CD70: variants seen among roughly 807,000 people sequenced by gnomAD.
CD70 encodes CD70 molecule, also known as CD70 antigen.
In CD70, 6 loss-of-function variants were observed where a neutral mutation model predicts 9.0. The ratio of observed to expected loss-of-function variants is 0.67; its 90% CI spans 0.37 to 1.32. The LOEUF is 1.32. Ranked by LOEUF, CD70 falls within the 40% of genes most tolerant of loss-of-function variation. CD70 has a pLI of 0.02. For missense variants in CD70, 235 were observed against 258.7 expected (o/e 0.91, Z 0.63); for synonymous variants, 108 against 112.3 (o/e 0.96, Z 0.24).
Position 6,590,934 on chromosome 19 carries a change from C to G in CD70, c.69G>C (p.Leu23Phe). Residue 23 changes from leucine (L) to phenylalanine (F), a missense_variant, in exon 1 of 3, where the codon TTG (leucine) becomes TTC (phenylalanine). Coordinates refer to ENST00000245903, the MANE Select transcript of CD70 (RefSeq NM_001252.5). The surrounding 1 kb of genome is among the most constrained non-coding windows in gnomAD (Gnocchi z 5.3). ...TCACCAAGCCCGCGACCAATGGGAC[C>G]AAAGCAGCCCGCAGGACGCACCCAT... ...RPYGCVLRAA[L>F]VPLVAGLVIC... is the part of the protein sequence containing the mutation. 6.2e-7 allele frequency: 1 copy of G among 1,614,090 alleles called. No individual in the cohort carries two copies. Among genetic ancestry groups the G allele is most frequent in the East Asian group, 2.2e-5 (1 of 44,864 alleles).
At chr19:6,586,602 C>A (rs145719893) in intron 2 of CD70, among the ~76,000 whole-genome samples, 197 bp from the exon 3 acceptor site, 223 of 152,208 alleles carry the variant, frequency 1.5e-3, no homozygotes, top group African/African-American at 5.3e-3. Flanking sequence ...AGTTCAAGAC[C>A]AGCCTGGACA....
At chr19:6,585,795 C>G, downstream of CD70, 1 of 464,574 alleles carries the variant, frequency 2.2e-6, no homozygotes. Context: ...CTGCCTCAGT[C>G]GGCCGAGTAG....
At chr19:6,583,241 T>G (rs1915952731), downstream of CD70, 14 of 591,862 alleles carry the variant, frequency 2.4e-5, no homozygotes, top group South Asian at 3.0e-4. Flanking sequence ...ACTATTTTCC[T>G]CAACTGTTAA....
At chr19:6,588,009 C>T (rs1056784644) in intron 2 of CD70, among the ~76,000 whole-genome samples, 14 of 152,192 alleles carry the variant, frequency 9.2e-5, no homozygotes, top group African/African-American at 3.4e-4. Flanking sequence ...CCAAGGTCCT[C>T]GGCTATATTT....
Position 6,587,509 on chromosome 19 carries a change from CGAGA to C in CD70, c.197-1108_197-1105del, listed in dbSNP as rs1324724747. Among the ~76,000 whole-genome samples, 9 of 151,194 alleles carry C rather than the reference CGAGA, an allele frequency of 6.0e-5. No homozygotes were observed. In the East Asian group the frequency reaches 1.8e-3, roughly 30 times the overall value. ...GCCTGAGAGAGTGAGACAGACAGCA[CGAGA>C]GAGACAGCGTGCGCACGAGACAGCG... On this transcript the variant is annotated intron_variant, in intron 2 of 2. Transcript: ENST00000245903.
downstream of CD70, among the ~76,000 whole-genome samples, chr19:6,581,676 G>T (rs920952585): frequency 1.1e-4 from 17 of 152,084 alleles, no homozygotes; most frequent in Admixed American, 5.2e-4. Flanking sequence ...TTATATTCCT[G>T]TGAACAGTTT....
At position 6,586,088 on chromosome 19, in the gene CD70, T is replaced by G. The variant is rs1342835465; in HGVS notation, c.514A>C (p.Thr172Pro). 1 of 1,614,004 alleles carries G rather than the reference T, an allele frequency of 6.2e-7. No homozygotes were observed. The highest frequency in any genetic ancestry group is 8.5e-7 in the Non-Finnish European group (1 of 1,179,910). ...ARGDTLCTNLTGTLLPSRNTD... is the reference protein window; with the variant it reads ...ARGDTLCTNLPGTLLPSRNTD... ...TTTCGGGAAGGCAAAAGTGTCCCAG[T>G]GAGGTTGGTGCAGAGTGTGTCCCCT... Residue 172 changes from threonine to proline, a missense_variant, in exon 3 of 3, where the codon ACT (threonine) becomes CCT (proline). By Grantham distance (38) the Thr-to-Pro change is conservative. Coordinates refer to ENST00000245903, the MANE Select transcript of CD70 (RefSeq NM_001252.5).
At chr19:6,586,922 A>C (rs925614708) in intron 2 of CD70, among the ~76,000 whole-genome samples, 58 of 140,434 alleles carry the variant, frequency 4.1e-4, no homozygotes, top group Admixed American at 6.4e-4. Flanking sequence ...AAAAAAAAAA[A>C]CAGAAACAGA....
chr19:6,585,937 G>C lies in CD70; in HGVS notation c.*83C>G. ...CCCACCACACTCCCACCCCAACCCCGGGTGGCCCCTGTGTGTACACTTTTT... is the reference window on the plus strand; with the variant it reads ...CCCACCACACTCCCACCCCAACCCCCGGTGGCCCCTGTGTGTACACTTTTT... On this transcript the variant is annotated 3_prime_UTR_variant, in exon 3 of 3. Transcript: ENST00000245903. 9.5e-7 allele frequency: 1 copy of C among 1,049,760 alleles called. No individual in the cohort carries two copies. Among genetic ancestry groups the C allele is most frequent in the Non-Finnish European group, 1.4e-6 (1 of 735,012 alleles). The allele number at this position is 1,049,760 out of a possible 1,614,324, so 65.0% of individuals were successfully genotyped here.
At chr19:6,587,577 T>A (rs1916056298) in intron 2 of CD70, among the ~76,000 whole-genome samples, 1 of 151,894 alleles carries the variant, frequency 6.6e-6, no homozygotes, top group East Asian at 1.9e-4. Context: ...AAGGGACGCC[T>A]GCTCGGGTCA....
chr19:6,584,962 A>T (rs1295663775), downstream of CD70, among the ~76,000 whole-genome samples: 4 of 151,892 alleles, frequency 2.6e-5, no homozygotes, highest in African/African-American at 9.7e-5. Context: ...TCTGGGGTAC[A>T]TGTGCAGGAT....
rs1011465040 is a variant in CD70 at position 6,590,310 on chromosome 19, A to T, written c.163-174T>A. On this transcript the variant is annotated intron_variant, in intron 1 of 2. Coordinates refer to ENST00000245903, the MANE Select transcript of CD70 (RefSeq NM_001252.5). This position sits in a 1 kb window ranked among gnomAD's most constrained non-coding sequence, Gnocchi z 5.3. ...TTTTTACTCTTAAGACTTCTTAAAGAGGAAGCAGGTCTGAACCAGCGGGGA... is the reference window on the plus strand; with the variant it reads ...TTTTTACTCTTAAGACTTCTTAAAGTGGAAGCAGGTCTGAACCAGCGGGGA... Among the ~76,000 whole-genome samples, 1 of 152,172 alleles carries T rather than the reference A, an allele frequency of 6.6e-6. No individual in the cohort carries two copies. The highest frequency in any genetic ancestry group is 2.4e-5 in the African/African-American group (1 of 41,436).
chr19:6,583,249 T>TAA (rs1170616136), downstream of CD70: 3 of 617,584 alleles, frequency 4.9e-6, no homozygotes, highest in Non-Finnish European at 8.8e-6. Flanking sequence ...CCTCAACTGT[T>TAA]AAATACTGAG....
In CD70 at chr19:6,591,047, C is replaced by A; in HGVS notation, c.-45G>T. The A allele has an allele frequency of 6.5e-7, 1 of 1,541,698 alleles. No individual in the cohort carries two copies. The highest frequency in any genetic ancestry group is 8.7e-7 in the Non-Finnish European group (1 of 1,144,926). ...GCTAGCGCAGGAGGGGCGATGGGGG[C>A]GCGGAGCGCTGCCGAGAAGGAAGGA... On this transcript the variant is annotated 5_prime_UTR_variant, in exon 1 of 3. Coordinates refer to ENST00000245903, the MANE Select transcript of CD70 (RefSeq NM_001252.5).
chr19:6,586,486 A>C, intron 2 of CD70, 81 bp from the exon 3 acceptor site: 1 of 1,402,166 alleles, frequency 7.1e-7, no homozygotes, highest in South Asian at 1.4e-5. Flanking sequence ...AAAGTCAGAT[A>C]TAGAGATCGA....
Position 6,590,156 on chromosome 19 carries a change from AACAG to A in CD70, c.163-24_163-21del. On this transcript the variant is annotated intron_variant, in intron 1 of 2. Coordinates refer to ENST00000245903, the MANE Select transcript of CD70 (RefSeq NM_001252.5). The surrounding 1 kb of genome is among the most constrained non-coding windows in gnomAD (Gnocchi z 5.3). ...GTCCCACTGGAAGAAAAGACCAGAA[AACAG>A]GGCACGGACGTAAGCAGAGAGGTTC... 6.2e-7 allele frequency: 1 copy of A among 1,612,274 alleles called. No individual in the cohort carries two copies. Among genetic ancestry groups the A allele is most frequent in the Non-Finnish European group, 8.5e-7 (1 of 1,178,326 alleles).
chr19:6,584,894 G>T (rs1915985380), downstream of CD70, among the ~76,000 whole-genome samples: 1 of 152,004 alleles, frequency 6.6e-6, no homozygotes, highest in South Asian at 2.1e-4. Flanking sequence ...TCGCCATGTT[G>T]GCCAGGCTTG....
chr19:6,589,926 C>G (rs1044975400), intron 2 of CD70, among the ~76,000 whole-genome samples, 177 bp downstream of exon 2: 1 of 83,232 alleles, frequency 1.2e-5, no homozygotes, highest in Non-Finnish European at 2.6e-5. Context: ...CTCCCTCCCT[C>G]TCTGTCTTCT....
intron 2 of CD70, among the ~76,000 whole-genome samples, chr19:6,589,762 G>A (rs1007159479): frequency 1.4e-5 from 2 of 144,226 alleles, no homozygotes; most frequent in Non-Finnish European, 3.1e-5. Context: ...CCTCTCTCTC[G>A]TTCTGTCTCC....
Sources: gnomAD v4.1 joint callset for allele counts (sites outside exome capture counted in the v4.1 genomes callset) on GRCh38, gnomAD v4.1.1 for gene constraint, Gnocchi (gnomAD v3.1) non-coding constraint, MANE v1.5 for transcripts, NCBI Gene and HGNC (gene_info 2026-07-23, HGNC 2026-07-21) for gene names.